Variants in ADAM12 observed in about 807,000 individuals in gnomAD.
ADAM12 encodes the protein disintegrin and metalloproteinase domain-containing protein 12.
In ADAM12, 70 loss-of-function variants were observed where a neutral mutation model predicts 106.4. The observed-to-expected ratio is 0.66, with a 90% CI of 0.54 to 0.80. ADAM12 has a LOEUF of 0.80. Ranked by LOEUF, ADAM12 falls within the 30% of genes least tolerant of loss-of-function variation. The pLI is 0.00. For synonymous variants in ADAM12, 420 were observed against 433.5 expected (o/e 0.97, Z 0.39); for missense variants, 1,010 against 1,171.9 (o/e 0.86, Z 2.02).
chr10:126,039,939 G>GTGAAAAAAGAGAAAGAAAACTCATTTAAA, intron 18 of ADAM12, among the ~76,000 whole-genome samples: 1 of 152,348 alleles, frequency 6.6e-6, no homozygotes, highest in African/African-American at 2.4e-5. Context: ...AAAGTAGATA[G>GTGAAAAAAGAGAAAGAAAACTCATTTAAA]TGAAAAAAGA....
chr10:126,351,938 G>A (rs1411269101), intron 1 of ADAM12, among the ~76,000 whole-genome samples: 1 of 152,072 alleles, frequency 6.6e-6, no homozygotes, highest in East Asian at 1.9e-4. Flanking sequence ...TAGGACTCCG[G>A]CCTCGTCCCC....
intron 3 of ADAM12, among the ~76,000 whole-genome samples, chr10:126,181,985 A>C (rs1033607534): frequency 6.6e-6 from 1 of 152,218 alleles, no homozygotes; most frequent in Non-Finnish European, 1.5e-5. Context: ...CTCAGATGGT[A>C]GCAGAGGACA....
At chr10:126,328,248 G>A (rs181695371) in intron 2 of ADAM12, among the ~76,000 whole-genome samples, 3 of 152,214 alleles carry the variant, frequency 2.0e-5, no homozygotes, top group Non-Finnish European at 4.4e-5. Flanking sequence ...GCACATAATA[G>A]GTGCTTAGTT....
At chr10:126,119,042 T>G (rs1407586346) in intron 5 of ADAM12, among the ~76,000 whole-genome samples, 1 of 152,158 alleles carries the variant, frequency 6.6e-6, no homozygotes, top group African/African-American at 2.4e-5. Flanking sequence ...GAGTACAAAT[T>G]TATATTTTTT....
chr10:126,302,554 C>CAGGG (rs1960670560), intron 2 of ADAM12, among the ~76,000 whole-genome samples: 1 of 152,036 alleles, frequency 6.6e-6, no homozygotes, highest in Non-Finnish European at 1.5e-5. Flanking sequence ...GGATAATGAG[C>CAGGG]AGGGGTCTAA....
At chr10:126,167,645 C>A (rs1255001093) in intron 3 of ADAM12, among the ~76,000 whole-genome samples, 1 of 146,820 alleles carries the variant, frequency 6.8e-6, no homozygotes, top group Non-Finnish European at 1.5e-5. Context: ...CGATCAAACT[C>A]ATTTATATTT....
At chr10:126,025,299 A>G (rs1953847848) in intron 21 of ADAM12, among the ~76,000 whole-genome samples, 1 of 151,682 alleles carries the variant, frequency 6.6e-6, no homozygotes, top group African/African-American at 2.4e-5. Context: ...GCTAGGAATC[A>G]TGATAAAACA....
At chr10:126,155,403 C>T in intron 3 of ADAM12, 98 bp from the exon 4 acceptor site, 2 of 1,070,986 alleles carry the variant, frequency 1.9e-6, no homozygotes, top group East Asian at 5.2e-5. Flanking sequence ...ATTGTGACCT[C>T]CTTTTTTTTT....
intron 1 of ADAM12, among the ~76,000 whole-genome samples, chr10:126,364,848 C>A (rs1002172449): frequency 3.3e-5 from 5 of 152,090 alleles, no homozygotes; most frequent in African/African-American, 9.7e-5. Context: ...ACCATCCCAC[C>A]TTTGTCCTTG....
At chr10:126,157,858 AG>A (rs1956848194) in intron 3 of ADAM12, among the ~76,000 whole-genome samples, 1 of 152,070 alleles carries the variant, frequency 6.6e-6, no homozygotes, top group East Asian at 1.9e-4. Context: ...AGCAAAGGAG[AG>A]GAAGAGGGGA....
At position 126,015,100 on chromosome 10, in the gene ADAM12, C is replaced by T. The variant is rs1953639820; in HGVS notation, c.*2179G>A. The T allele has an allele frequency of 1.3e-5, 2 of 152,248 alleles. No homozygotes were observed. The highest frequency in any genetic ancestry group is 4.1e-4 in the South Asian group (2 of 4,822). 9.4% of individuals were successfully genotyped at this position (152,248 alleles called of 1,614,324 possible). ...AATAAAATGCATGGCTCTATAATAA[C>T]ACATTAGTACTGTAGAGATAAGAAT... On this transcript the variant is annotated 3_prime_UTR_variant, in exon 23 of 23. Coordinates refer to ENST00000448723, the MANE Select transcript of ADAM12 (RefSeq NM_001288973.2).
chr10:126,042,216 T>C (rs1199948862), intron 18 of ADAM12: 7 of 1,613,598 alleles, frequency 4.3e-6, no homozygotes, highest in Non-Finnish European at 5.9e-6. Flanking sequence ...TGTTGGACTC[T>C]GCAGCTTCCT....
intron 20 of ADAM12, 108 bp downstream of exon 20, chr10:126,038,133 C>G: frequency 9.5e-7 from 1 of 1,055,132 alleles, no homozygotes; most frequent in Non-Finnish European, 1.4e-6. Context: ...GAGGCTGACT[C>G]AGCATTTCAC....
intron 8 of ADAM12, among the ~76,000 whole-genome samples, chr10:126,107,199 C>T (rs943948475): frequency 5.3e-5 from 8 of 152,286 alleles, no homozygotes; most frequent in East Asian, 1.9e-4. Flanking sequence ...GCTATGCTCA[C>T]AGTGAAACTG....
rs1372236717 is a variant in ADAM12, at chr10:126,015,887, G to A, written c.*1392C>T. 1 of 152,166 alleles carries A rather than the reference G, an allele frequency of 6.6e-6. No homozygotes were observed. The highest frequency in any genetic ancestry group is 1.5e-5 in the Non-Finnish European group (1 of 68,032). 9.4% of individuals were successfully genotyped at this position (152,166 alleles called of 1,614,324 possible). ...TTCTCATGCCATTAGTCACTTTAAA[G>A]ACCTTGTGAAACATGGCTCCCTAGT... On this transcript the variant is annotated 3_prime_UTR_variant, in exon 23 of 23. Transcript: ENST00000448723.
intron 1 of ADAM12, among the ~76,000 whole-genome samples, chr10:126,373,501 C>A (rs554376271): frequency 6.6e-6 from 1 of 152,268 alleles, no homozygotes; most frequent in South Asian, 2.1e-4. Context: ...AGCTGCCAAG[C>A]GGGTTCAACT....
chr10:126,305,314 C>A (rs185297880), intron 2 of ADAM12, among the ~76,000 whole-genome samples: 8 of 151,994 alleles, frequency 5.3e-5, no homozygotes, highest in African/African-American at 1.7e-4. Flanking sequence ...ATACCAACAA[C>A]ACAAATGAAT....
At chr10:126,042,084 ACCT>A in intron 18 of ADAM12, 4 of 1,598,370 alleles carry the variant, frequency 2.5e-6, no homozygotes, top group Non-Finnish European at 8.5e-7. Context: ...GGGACGCGTG[ACCT>A]CCTCTGCAGC....
rs764278136 is a variant in ADAM12, at chr10:126,036,301, A to G, written c.2374T>C (p.Cys792Arg). Residue 792 changes from cysteine (C) to arginine (R), a missense_variant, in exon 21 of 23, where the codon TGT (cysteine) becomes CGT (arginine). Coordinates refer to ENST00000448723, the MANE Select transcript of ADAM12 (RefSeq NM_001288973.2). Reference protein sequence around the residue: ...PKDNPRRLLQCQNVDISRPLN... With the variant: ...PKDNPRRLLQRQNVDISRPLN... Reference sequence around the variant, plus strand: ...GGTCTGCTGATGTCAACATTCTGACACTGCAGCAATCTCCTGGGATTGTCC... The same window carrying G: ...GGTCTGCTGATGTCAACATTCTGACGCTGCAGCAATCTCCTGGGATTGTCC... 23 of 1,564,374 alleles carry G rather than the reference A, an allele frequency of 1.5e-5. No individual in the cohort carries two copies. The highest frequency in any genetic ancestry group is 1.1e-4 in the African/African-American group (8 of 71,442).
Sources: gnomAD v4.1 joint callset for allele counts (sites outside exome capture counted in the v4.1 genomes callset) on GRCh38, gnomAD v4.1.1 for gene constraint, MANE v1.5 for transcripts, NCBI Gene and HGNC (gene_info 2026-07-23, HGNC 2026-07-21) for gene names.